Variants in CYREN observed in about 807,000 individuals in gnomAD.
CYREN encodes cell cycle regulator of NHEJ.
A neutral mutation model predicts 9.7 loss-of-function variants in CYREN; 7 were observed. The ratio of observed to expected loss-of-function variants is 0.72; its 90% CI spans 0.41 to 1.36. CYREN has a LOEUF of 1.36. Among genes scored for constraint, CYREN ranks in the 40% most tolerant of loss-of-function variants. The pLI is 0.01. For missense variants in CYREN, 215 were observed against 198.1 expected, an observed-to-expected ratio of 1.09 and a Z score of -0.51; for synonymous variants, 76 against 77.9, an observed-to-expected ratio of 0.98 and a Z score of 0.13.
intron 3 of CYREN, chr7:135,167,414 C>T: frequency 4.3e-6 from 5 of 1,169,946 alleles, no homozygotes; most frequent in Non-Finnish European, 5.3e-6. Flanking sequence ...GGAACCTTTC[C>T]AAGAACACAA....
In CYREN at chr7:135,120,662, T is replaced by G. The variant is rs1215802327; in HGVS notation, n.357-26080A>C. On this transcript the variant is annotated intron_variant and non_coding_transcript_variant, in intron 2 of 2. Coordinates refer to the CYREN transcript ENST00000459937. The stretch of plus-strand genomic sequence containing the variant: ...TAAGGACAGATTAACAGAATGAATT[T>G]TAAAACATTACCCAACAATATGCAG... 1.5e-4 allele frequency among the ~76,000 whole-genome samples: 23 copies of G among 152,194 alleles called. 1 individual carries two copies. Among genetic ancestry groups the G allele is most frequent in the Non-Finnish European group, 3.4e-4 (23 of 68,040 alleles).
intron 2 of CYREN, among the ~76,000 whole-genome samples, chr7:135,123,353 TA>T (rs930891673): frequency 9.2e-5 from 14 of 151,812 alleles, no homozygotes; most frequent in Non-Finnish European, 1.9e-4. Context: ...GAAAAAAGAA[TA>T]AAAAGGAATC....
chr7:135,131,276 A>G (rs1315224877), intron 2 of CYREN, among the ~76,000 whole-genome samples: 1 of 152,042 alleles, frequency 6.6e-6, no homozygotes, highest in African/African-American at 2.4e-5. Context: ...GAACACATGG[A>G]CACATAGAGG....
chr7:135,103,880 A>AT (rs545154405), intron 2 of CYREN, among the ~76,000 whole-genome samples: 18 of 150,604 alleles, frequency 1.2e-4, no homozygotes, highest in African/African-American at 3.2e-4. Flanking sequence ...CAACTGCTTT[A>AT]TTTTTTTTTA....
At chr7:135,127,352 C>T (rs1319489796) in intron 2 of CYREN, among the ~76,000 whole-genome samples, 4 of 151,924 alleles carry the variant, frequency 2.6e-5, no homozygotes, top group South Asian at 2.1e-4. Flanking sequence ...GTCAGAATAT[C>T]GAGACCATCC....
chr7:135,111,699 C>T (rs1043959503), intron 2 of CYREN, among the ~76,000 whole-genome samples: 6 of 152,126 alleles, frequency 3.9e-5, no homozygotes, highest in East Asian at 3.9e-4. Flanking sequence ...ATTCATGAAA[C>T]GTGTTGAAAT....
chr7:135,169,058 T>G lies in CYREN; in HGVS notation c.-136A>C, dbSNP rs907913743. 5 of 818,412 alleles carry G rather than the reference T, an allele frequency of 6.1e-6. No homozygotes were observed. In the African/African-American group the frequency reaches 8.7e-5, roughly 14 times the overall value. 50.7% of individuals were successfully genotyped at this position (818,412 alleles called of 1,614,324 possible). On this transcript the variant is annotated splice_region_variant and 5_prime_UTR_variant, in exon 2 of 4. Transcript: ENST00000393114. Reference sequence around the variant, plus strand: ...GTCCTCAGTGGGAGTTGATCTTTGATTCCTACAAAGAACAATAAAGTCCGG... The same window carrying G: ...GTCCTCAGTGGGAGTTGATCTTTGAGTCCTACAAAGAACAATAAAGTCCGG...
At chr7:135,092,984 T>C (rs1030042340) in exon 3 of CYREN, 6 of 151,600 alleles carry the variant, frequency 4.0e-5, no homozygotes, top group Non-Finnish European at 8.8e-5. Context: ...CATTCTTTCA[T>C]GATTAAAAAA....
chr7:135,153,641 A>G (rs188654085), intron 2 of CYREN, among the ~76,000 whole-genome samples: 17 of 152,276 alleles, frequency 1.1e-4, no homozygotes, highest in Admixed American at 7.8e-4. Context: ...GGGGTATCAT[A>G]TTTATTGATT....
chr7:135,168,401 T>TCTGTCCA, intron 2 of CYREN: 1 of 206,050 alleles, frequency 4.9e-6, no homozygotes, highest in East Asian at 1.3e-4. Context: ...TCCCTAAAGG[T>TCTGTCCA]CTGTCCACAG....
chr7:135,121,568 C>A (rs956252154), intron 2 of CYREN, among the ~76,000 whole-genome samples: 81 of 148,590 alleles, frequency 5.5e-4, no homozygotes, highest in African/African-American at 1.9e-3. Context: ...AAAAAAAAAA[C>A]CTAAACATTT....
intron 2 of CYREN, among the ~76,000 whole-genome samples, chr7:135,103,023 G>A (rs903722201): frequency 6.6e-6 from 1 of 152,064 alleles, no homozygotes; most frequent in Non-Finnish European, 1.5e-5. Context: ...AACCAATAAA[G>A]GCCTTGTTTT....
chr7:135,157,734 A>G (rs1829829843), intron 2 of CYREN, among the ~76,000 whole-genome samples: 1 of 152,340 alleles, frequency 6.6e-6, no homozygotes, highest in African/African-American at 2.4e-5. Flanking sequence ...GCTACTCCCC[A>G]GTCTCACAGC....
In CYREN at chr7:135,167,795, T is replaced by C. The variant is rs1453649374; in HGVS notation, c.150A>G (p.Thr50=). 1.2e-6 allele frequency: 2 copies of C among 1,614,150 alleles called. No homozygotes were observed. The highest frequency in any genetic ancestry group is 8.5e-7 in the Non-Finnish European group (1 of 1,180,020). ...VPVAAARLPA[T]RTVYCMNEAE... is the part of the protein sequence containing the mutation. ...CCTCATTCATGCAGTACACAGTCCT[T>C]GTCGCAGGGAGTCTGAAAAAAAGAC... Residue 50 remains threonine, a synonymous_variant, in exon 3 of 4, where the codon ACA becomes ACG. Coordinates refer to ENST00000393114, the MANE Select transcript of CYREN (RefSeq NM_024033.4).
chr7:135,107,014 G>C lies in CYREN; in HGVS notation n.357-12432C>G, dbSNP rs148297653. On this transcript the variant is annotated intron_variant and non_coding_transcript_variant, in intron 2 of 2. Coordinates refer to the CYREN transcript ENST00000459937. ...GTTTGTGTGCATAGACATGTTCATAGTAGTCTCTGATTATTGTTTTACTGT... is the reference window on the plus strand; with the variant it reads ...GTTTGTGTGCATAGACATGTTCATACTAGTCTCTGATTATTGTTTTACTGT... Among the ~76,000 whole-genome samples, 696 of 152,218 alleles carry C rather than the reference G, an allele frequency of 4.6e-3. 3 individuals are homozygous for C. Among genetic ancestry groups the C allele is most frequent in the African/African-American group, 0.016 (665 of 41,534 alleles).
At chr7:135,114,804 A>G (rs1826097674) in intron 2 of CYREN, among the ~76,000 whole-genome samples, 1 of 152,176 alleles carries the variant, frequency 6.6e-6, no homozygotes, top group Admixed American at 6.5e-5. Context: ...ATCTTGTCCA[A>G]ACAAATCTCA....
intron 2 of CYREN, chr7:135,134,919 C>T: frequency 1.9e-6 from 3 of 1,551,044 alleles, no homozygotes; most frequent in Non-Finnish European, 2.6e-6. Context: ...CTTTTGTAAT[C>T]CAAGGGGATG....
chr7:135,110,544 G>C (rs1825480587), intron 2 of CYREN, among the ~76,000 whole-genome samples: 1 of 152,092 alleles, frequency 6.6e-6, no homozygotes, highest in Admixed American at 6.5e-5. Flanking sequence ...GAGAAGCGTG[G>C]GTCCCCATCA....
At chr7:135,134,221 T>C (rs1236912935) in intron 2 of CYREN, among the ~76,000 whole-genome samples, 1 of 152,084 alleles carries the variant, frequency 6.6e-6, no homozygotes, top group East Asian at 1.9e-4. Context: ...GAAGAGTTCA[T>C]GGGATCTCTC....
Sources: allele counts gnomAD v4.1 joint callset (sites outside exome capture counted in the v4.1 genomes callset), GRCh38; gene constraint gnomAD v4.1.1; transcripts MANE v1.5; gene names NCBI Gene and HGNC (gene_info 2026-07-23, HGNC 2026-07-21).